Variants in CTNNA3 observed in about 807,000 individuals in gnomAD.
CTNNA3 encodes the protein catenin alpha-3.
CTNNA3 carries 76 observed loss-of-function variants against 95.7 expected under a neutral mutation model. The ratio of observed to expected loss-of-function variants is 0.79; its 90% CI spans 0.66 to 0.96. The LOEUF (loss-of-function observed/expected upper bound fraction) is 0.96, where lower values mean the gene tolerates loss of function less well. Among genes scored for constraint, CTNNA3 ranks in the 40% least tolerant of loss-of-function variants. The probability of loss-of-function intolerance (pLI) is 0.00; values close to 1 mark genes in which losing one functional copy is unlikely to be tolerated. For missense variants in CTNNA3, 1,191 were observed against 1,089.8 expected (o/e 1.09, Z -1.31); for synonymous variants, 431 against 374.4 (o/e 1.15, Z -1.74).
chr10:66,143,775 T>G (rs2133886133), intron 13 of CTNNA3, among the ~76,000 whole-genome samples: 1 of 152,306 alleles, frequency 6.6e-6, no homozygotes, highest in African/African-American at 2.4e-5. Flanking sequence ...TATTTCCACT[T>G]ATTCCATTCC....
chr10:66,676,101 C>T (rs1398582685), intron 9 of CTNNA3, among the ~76,000 whole-genome samples: 1 of 141,176 alleles, frequency 7.1e-6, no homozygotes, highest in Non-Finnish European at 1.6e-5. Context: ...AGAGTTAAAA[C>T]CTTTAAAACA....
At chr10:66,674,325 C>G (rs1238410369) in intron 9 of CTNNA3, among the ~76,000 whole-genome samples, 1 of 151,810 alleles carries the variant, frequency 6.6e-6, no homozygotes, top group Non-Finnish European at 1.5e-5. Flanking sequence ...TTCTTCAAAA[C>G]AATGGTCATC....
At chr10:66,921,286 T>C (rs1379522797) in intron 7 of CTNNA3, among the ~76,000 whole-genome samples, 3 of 152,166 alleles carry the variant, frequency 2.0e-5, no homozygotes, top group African/African-American at 4.8e-5. Flanking sequence ...ACAAATGCTC[T>C]ATCTCCAAAT....
At chr10:66,963,208 C>G (rs1792395591) in intron 7 of CTNNA3, among the ~76,000 whole-genome samples, 1 of 152,192 alleles carries the variant, frequency 6.6e-6, no homozygotes, top group Non-Finnish European at 1.5e-5. Context: ...CCACATGGGA[C>G]AGTGCATCCA....
At chr10:66,174,571 T>G (rs2085607351) in intron 13 of CTNNA3, among the ~76,000 whole-genome samples, 1 of 152,190 alleles carries the variant, frequency 6.6e-6, no homozygotes, top group East Asian at 1.9e-4. Flanking sequence ...ACTATGTGGG[T>G]CCACTTATAT....
At chr10:66,417,467 C>T (rs918594533) in intron 11 of CTNNA3, among the ~76,000 whole-genome samples, 5 of 151,920 alleles carry the variant, frequency 3.3e-5, no homozygotes, top group African/African-American at 7.2e-5. Flanking sequence ...CTAGACAGAT[C>T]GTCTAGAAAG....
chr10:66,205,460 A>T (rs2131932105), intron 13 of CTNNA3, among the ~76,000 whole-genome samples: 1 of 152,156 alleles, frequency 6.6e-6, no homozygotes, highest in South Asian at 2.1e-4. Flanking sequence ...TGAGCAGATT[A>T]TGGAAGAGAA....
intron 7 of CTNNA3, among the ~76,000 whole-genome samples, chr10:66,843,653 A>C (rs1051494960): frequency 5.3e-5 from 8 of 152,120 alleles, no homozygotes. Flanking sequence ...ACAAAAACCA[A>C]AGGAGAAGAG....
At chr10:67,699,885 C>T (rs1386059934), upstream of CTNNA3, among the ~76,000 whole-genome samples, 2 of 152,238 alleles carry the variant, frequency 1.3e-5, no homozygotes, top group African/African-American at 4.8e-5. Flanking sequence ...AAAGGGGTGA[C>T]AGACGGCACC....
At chr10:67,556,388 A>T (rs1044483701) in intron 3 of CTNNA3, among the ~76,000 whole-genome samples, 1 of 151,842 alleles carries the variant, frequency 6.6e-6, no homozygotes, top group African/African-American at 2.4e-5. Flanking sequence ...TGGTCCTGGA[A>T]TTTTTTTGTT....
At chr10:67,176,872 T>C in intron 7 of CTNNA3, 1 of 470,716 alleles carries the variant, frequency 2.1e-6, no homozygotes, top group Non-Finnish European at 4.3e-6. Flanking sequence ...CTCTAGAAAC[T>C]GGAAAAGGCA....
At chr10:66,306,518 T>C (rs2091936444) in intron 12 of CTNNA3, among the ~76,000 whole-genome samples, 1 of 152,218 alleles carries the variant, frequency 6.6e-6, no homozygotes, top group Admixed American at 6.5e-5. Context: ...TTTATGGCTG[T>C]GCCTAATCTA....
intron 13 of CTNNA3, among the ~76,000 whole-genome samples, chr10:66,107,581 C>T (rs1476962279): frequency 6.6e-6 from 1 of 152,100 alleles, no homozygotes; most frequent in Non-Finnish European, 1.5e-5. Flanking sequence ...ACAGCAATGA[C>T]ATAGTAGTAA....
chr10:66,842,373 G>A (rs977591270), intron 7 of CTNNA3, among the ~76,000 whole-genome samples: 1 of 152,138 alleles, frequency 6.6e-6, no homozygotes, highest in Non-Finnish European at 1.5e-5. Context: ...TAAGAAATAG[G>A]CATGAAGAAT....
rs1004189712 is a variant in CTNNA3, at chr10:66,278,730, C to T, written c.1884+1740G>A. On this transcript the variant is annotated intron_variant, in intron 13 of 17. Coordinates refer to ENST00000433211, the MANE Select transcript of CTNNA3 (RefSeq NM_013266.4). The stretch of plus-strand genomic sequence containing the variant: ...AAAAATGCATTCCGTACCCTGGTTC[C>T]CCTGTGCTATCTCACTGGTTTATAT... Among the ~76,000 whole-genome samples the T allele has an allele frequency of 3.3e-5, 5 of 151,964 alleles. No individual in the cohort carries two copies. The South Asian group carries it at 6.2e-4, about 19-fold the overall frequency.
chr10:66,731,861 A>G (rs1455525928), intron 9 of CTNNA3, among the ~76,000 whole-genome samples: 6 of 152,176 alleles, frequency 3.9e-5, no homozygotes, highest in Non-Finnish European at 8.8e-5. Context: ...ATACTAATGA[A>G]TAGCTCCTGA....
intron 13 of CTNNA3, among the ~76,000 whole-genome samples, chr10:66,206,913 C>G (rs1369092335): frequency 6.6e-6 from 1 of 151,834 alleles, no homozygotes; most frequent in Non-Finnish European, 1.5e-5. Context: ...TTCACTCTCC[C>G]TCCTCTAAAC....
At chr10:67,726,575 ATT>A (rs1225277756) in intron 1 of CTNNA3, among the ~76,000 whole-genome samples, 15 of 69,164 alleles carry the variant, frequency 2.2e-4, no homozygotes, top group African/African-American at 1.1e-3. Flanking sequence ...TATATTACAT[ATT>A]ATATAATATG....
intron 10 of CTNNA3, among the ~76,000 whole-genome samples, chr10:66,600,953 A>G (rs1399417641): frequency 6.6e-6 from 1 of 151,928 alleles, no homozygotes; most frequent in African/African-American, 2.4e-5. Flanking sequence ...TAATTCTAAA[A>G]CCAAGAAAAT....
Sources: gnomAD v4.1 joint callset for allele counts (sites outside exome capture counted in the v4.1 genomes callset) on GRCh38, gnomAD v4.1.1 for gene constraint, MANE v1.5 for transcripts, NCBI Gene and HGNC (gene_info 2026-07-23, HGNC 2026-07-21) for gene names.